MCF2L2: variants seen among roughly 807,000 people sequenced by gnomAD.
MCF2L2 encodes the protein MCF.2 cell line derived transforming sequence-like 2.
Under a neutral mutation model 150.2 loss-of-function variants are expected in MCF2L2, and 102 were observed. The observed-to-expected ratio is 0.68, with a 90% CI of 0.58 to 0.80. The LOEUF is 0.80. MCF2L2 is among the 30% of genes least tolerant of loss of function. MCF2L2 has a pLI of 0.00. For missense variants in MCF2L2, 1,256 were observed against 1,372.8 expected (o/e 0.91, Z 1.34); for synonymous variants, 465 against 491.3 (o/e 0.95, Z 0.71).
At chr3:183,277,025 C>T (rs1180610067) in intron 14 of MCF2L2, 68 bp from the exon 15 acceptor site, 25 of 1,062,940 alleles carry the variant, frequency 2.4e-5, no homozygotes, top group Non-Finnish European at 3.3e-5. Context: ...TTTTCTCTCT[C>T]CCAATTTCTG....
At chr3:183,327,575 A>T (rs960023139) in intron 5 of MCF2L2, among the ~76,000 whole-genome samples, 1 of 152,144 alleles carries the variant, frequency 6.6e-6, no homozygotes, top group Non-Finnish European at 1.5e-5. Context: ...AATGCTCCTC[A>T]TGTTCCCTTT....
chr3:183,397,789 G>A (rs1028108426), intron 1 of MCF2L2, among the ~76,000 whole-genome samples: 7 of 152,074 alleles, frequency 4.6e-5, no homozygotes, highest in Non-Finnish European at 4.4e-5. Context: ...GGATTTCTAA[G>A]GTAATATTAA....
At chr3:183,407,876 T>C (rs16857440) in intron 1 of MCF2L2, among the ~76,000 whole-genome samples, 1 of 152,084 alleles carries the variant, frequency 6.6e-6, no homozygotes, top group African/African-American at 2.4e-5. Flanking sequence ...CATTCTAGTC[T>C]AGGTCCTGCA....
At chr3:183,198,016 T>C (rs1722133254) in intron 25 of MCF2L2, among the ~76,000 whole-genome samples, 1 of 152,212 alleles carries the variant, frequency 6.6e-6, no homozygotes, top group Non-Finnish European at 1.5e-5. Context: ...TTGGAAACTA[T>C]TTAGAAATTT....
rs187067733 is a variant in MCF2L2, at chr3:183,366,801, A to G, written c.275+12496T>C. On this transcript the variant is annotated intron_variant, in intron 3 of 29. Coordinates refer to ENST00000328913, the MANE Select transcript of MCF2L2 (RefSeq NM_015078.4). ...GCTTGCAGTAGATCTAGACAGCAAC[A>G]ATCCTGAATTATAAGAGCAGACCAG... Among the ~76,000 whole-genome samples the G allele has an allele frequency of 7.8e-4, 119 of 152,372 alleles. 1 individual carries two copies. Among genetic ancestry groups the G allele is most frequent in the Non-Finnish European group, 1.2e-3 (80 of 68,036 alleles).
At chr3:183,278,787 TAAC>T (rs1287814068) in intron 14 of MCF2L2, among the ~76,000 whole-genome samples, 7 of 152,164 alleles carry the variant, frequency 4.6e-5, no homozygotes, top group Non-Finnish European at 8.8e-5. Context: ...GATGGAAAAA[TAAC>T]AATGATTCAG....
chr3:183,293,209 A>G (rs897568785), intron 13 of MCF2L2, among the ~76,000 whole-genome samples: 2 of 152,266 alleles, frequency 1.3e-5, no homozygotes, highest in African/African-American at 4.8e-5. Flanking sequence ...GGCTGTGACA[A>G]TATCGCACAA....
At chr3:183,336,476 C>A (rs1730485634) in intron 5 of MCF2L2, among the ~76,000 whole-genome samples, 1 of 151,964 alleles carries the variant, frequency 6.6e-6, no homozygotes, top group South Asian at 2.1e-4. Flanking sequence ...TTTCAATGGA[C>A]TAAAATGCTT....
At chr3:183,427,859 C>A (rs776433569) in intron 1 of MCF2L2, 43 bp downstream of exon 1, 1 of 1,545,656 alleles carries the variant, frequency 6.5e-7, no homozygotes, top group Non-Finnish European at 8.9e-7. Context: ...ACCATCCTCA[C>A]CCGCCATTAA....
chr3:183,191,495 G>C (rs1417029346), intron 27 of MCF2L2, among the ~76,000 whole-genome samples: 8 of 152,292 alleles, frequency 5.3e-5, no homozygotes, highest in African/African-American at 1.9e-4. Flanking sequence ...AAACCGCAGA[G>C]AGTGCCAAAC....
chr3:183,251,720 T>C (rs768780532), intron 15 of MCF2L2, among the ~76,000 whole-genome samples: 2 of 151,974 alleles, frequency 1.3e-5, no homozygotes, highest in Non-Finnish European at 2.9e-5. Context: ...GCACCATCAA[T>C]ACCATCAAAT....
Position 183,279,220 on chromosome 3 carries a change from CTTTTAT to C in MCF2L2, c.1777-2269_1777-2264del, listed in dbSNP as rs200053776. On this transcript the variant is annotated intron_variant, in intron 14 of 29. Coordinates refer to ENST00000328913, the MANE Select transcript of MCF2L2 (RefSeq NM_015078.4). ...ATTTACATCGTAACTGATGAGATAT[CTTTTAT>C]TTTTATTTGCTTAATTTTTTATTTC... is the stretch of plus-strand genomic sequence containing the variant. 8.5e-3 allele frequency among the ~76,000 whole-genome samples: 1,287 copies of C among 151,962 alleles called. 10 individuals carry two copies. Among genetic ancestry groups the C allele is most frequent in the Non-Finnish European group, 0.015 (1,023 of 67,952 alleles).
At chr3:183,180,370 G>T in intron 27 of MCF2L2, 1 of 518,490 alleles carries the variant, frequency 1.9e-6, no homozygotes. Flanking sequence ...AATTCACCGA[G>T]AAGGCGCGTC....
chr3:183,358,749 T>C (rs565131931), intron 3 of MCF2L2, among the ~76,000 whole-genome samples: 1 of 152,168 alleles, frequency 6.6e-6, no homozygotes, highest in African/African-American at 2.4e-5. Flanking sequence ...GCCTCTCGAG[T>C]AGCTGGGACT....
At chr3:183,390,485 T>C (rs1180558657) in intron 1 of MCF2L2, among the ~76,000 whole-genome samples, 2 of 152,222 alleles carry the variant, frequency 1.3e-5, no homozygotes, top group Non-Finnish European at 2.9e-5. Context: ...CCCTGTGATT[T>C]GCCCTCATTT....
intron 3 of MCF2L2, among the ~76,000 whole-genome samples, chr3:183,371,644 T>A (rs539895232): frequency 0.31 from 47,118 of 150,026 alleles, 11,374 homozygotes; most frequent in African/African-American, 0.68. Context: ...ATTTTTCTTT[T>A]TTTTTTTTTT....
rs771241819 is a variant in MCF2L2, at chr3:183,276,891, C to T, written c.1843G>A (p.Gly615Arg). 259 of 1,610,180 alleles carry T rather than the reference C, an allele frequency of 1.6e-4. No homozygotes were observed. In the South Asian group the frequency reaches 1.7e-3, roughly 11 times the overall value. ...NPELEQQARLGDLSPRRRIIR... is the reference protein window; with the variant it reads ...NPELEQQARLRDLSPRRRIIR... ...TCTTACCTGCGGGGGGAAAGGTCTCCGAGCCTGGCCTGCTGCTCCAGCTCA... is the reference window on the plus strand; with the variant it reads ...TCTTACCTGCGGGGGGAAAGGTCTCTGAGCCTGGCCTGCTGCTCCAGCTCA... The change falls in exon 15 of 30, where the codon GGA becomes AGA. Residue 615 changes from glycine to arginine, a missense_variant. Transcript: ENST00000328913.
intron 22 of MCF2L2, among the ~76,000 whole-genome samples, chr3:183,211,023 G>A (rs1202639817): frequency 6.6e-6 from 1 of 152,116 alleles, no homozygotes; most frequent in Non-Finnish European, 1.5e-5. Context: ...AGATGCTTTA[G>A]GGGAAAGCAG....
At chr3:183,193,323 C>T (rs1460053340) in intron 26 of MCF2L2, among the ~76,000 whole-genome samples, 1 of 151,680 alleles carries the variant, frequency 6.6e-6, no homozygotes, top group African/African-American at 2.4e-5. Flanking sequence ...CAGCAAACAT[C>T]TAATTGGCTG....
Sources: allele counts gnomAD v4.1 joint callset (sites outside exome capture counted in the v4.1 genomes callset), GRCh38; gene constraint gnomAD v4.1.1; transcripts MANE v1.5; gene names NCBI Gene and HGNC (gene_info 2026-07-23, HGNC 2026-07-21).